Variants in EXOC6 observed in about 807,000 individuals in gnomAD.
EXOC6 encodes exocyst complex component 6, also known as SEC15-like 1.
EXOC6 carries 60 observed loss-of-function variants against 112.5 expected under a neutral mutation model. The ratio of observed to expected loss-of-function variants is 0.53; its 90% CI spans 0.43 to 0.66. The LOEUF is 0.66. Among genes scored for constraint, EXOC6 ranks in the 30% least tolerant of loss-of-function variants. The pLI is 0.00. For synonymous variants in EXOC6, 295 were observed against 308.0 expected (o/e 0.96, Z 0.44); for missense variants, 855 against 957.1 (o/e 0.89, Z 1.41).
chr10:93,014,725 G>A (rs929627513), intron 20 of EXOC6, among the ~76,000 whole-genome samples: 1 of 151,916 alleles, frequency 6.6e-6, no homozygotes, highest in South Asian at 2.1e-4. Flanking sequence ...ATTTTCTGTT[G>A]ATCCCAGAAA....
At chr10:92,950,827 G>A (rs530536165) in intron 14 of EXOC6, among the ~76,000 whole-genome samples, 7 of 152,304 alleles carry the variant, frequency 4.6e-5, no homozygotes, top group Admixed American at 4.6e-4. Context: ...TGTGGAGAAT[G>A]GATTGGAAAA....
chr10:92,848,676 C>T (rs1351249318), intron 1 of EXOC6, 42 bp downstream of exon 1: 1 of 1,294,396 alleles, frequency 7.7e-7, no homozygotes, highest in African/African-American at 1.6e-5. Context: ...CCCCGCCCCA[C>T]GCCGGCCGCT....
Position 92,907,937 on chromosome 10 carries a change from A to T in EXOC6, c.459-1490A>T, listed in dbSNP as rs1348195701. Among the ~76,000 whole-genome samples, 4 of 151,970 alleles carry T rather than the reference A, an allele frequency of 2.6e-5. No homozygotes were observed. The South Asian group carries it at 8.3e-4, about 32-fold the overall frequency. The stretch of plus-strand genomic sequence containing the variant: ...TGATGTTTACCAAGATAAAATTTAG[A>T]TGGTCTAATTTTTAAGTTAGTTGTA... On this transcript the variant is annotated intron_variant, in intron 5 of 21. Transcript: ENST00000260762.
chr10:92,909,893 A>C (rs1850645851), intron 6 of EXOC6, among the ~76,000 whole-genome samples: 1 of 152,162 alleles, frequency 6.6e-6, no homozygotes, highest in South Asian at 2.1e-4. Flanking sequence ...ATGTGGTGTT[A>C]TGTTATCCTT....
chr10:92,954,659 A>G lies in EXOC6; in HGVS notation c.1556A>G (p.Lys519Arg), dbSNP rs1853594360. 1 of 1,605,508 alleles carries G rather than the reference A, an allele frequency of 6.2e-7. No individual in the cohort carries two copies. The highest frequency in any genetic ancestry group is 1.1e-5 in the South Asian group (1 of 90,248). Residue 519 changes from lysine (K) to arginine (R), a missense_variant, in exon 16 of 22, where the codon AAA becomes AGA. Lys to Arg is a conservative substitution (Grantham distance 26). Transcript: ENST00000260762. The part of the protein sequence containing the change: ...SSTEIDDMLR[K>R]STNLLLTRTL... ...ACAGAAATAGACGATATGCTTAGAA[A>G]ATCAACAAATCTGCTGCTGACCAGA...
At chr10:93,001,753 G>A (rs1312159954) in intron 19 of EXOC6, among the ~76,000 whole-genome samples, 1 of 152,164 alleles carries the variant, frequency 6.6e-6, no homozygotes, top group African/African-American at 2.4e-5. Context: ...TCTGAAGTTT[G>A]GCTTAGGGTC....
chr10:92,889,147 GC>G (rs2133798711), intron 1 of EXOC6, among the ~76,000 whole-genome samples: 1 of 152,226 alleles, frequency 6.6e-6, no homozygotes, highest in African/African-American at 2.4e-5. Context: ...CAGTTGTTCA[GC>G]CACTGGTTCA....
intron 18 of EXOC6, among the ~76,000 whole-genome samples, chr10:92,975,384 G>A (rs1467248513): frequency 1.3e-5 from 2 of 150,900 alleles, no homozygotes; most frequent in Non-Finnish European, 3.0e-5. Context: ...CGCCCCGTCT[G>A]AGAAGTGAGG....
intron 1 of EXOC6, among the ~76,000 whole-genome samples, chr10:92,885,382 C>CTTT (rs869229626): frequency 1.4e-5 from 2 of 142,300 alleles, no homozygotes; most frequent in Non-Finnish European, 1.5e-5. Flanking sequence ...AAAGTCAGCT[C>CTTT]TTTTTTTTTT....
chr10:92,968,287 C>A (rs540955389), intron 17 of EXOC6, among the ~76,000 whole-genome samples: 1 of 151,368 alleles, frequency 6.6e-6, no homozygotes, highest in African/African-American at 2.4e-5. Context: ...TGAGCTCAAG[C>A]GATCCTCCCA....
At chr10:92,993,447 A>G (rs561999569) in intron 18 of EXOC6, among the ~76,000 whole-genome samples, 2 of 152,292 alleles carry the variant, frequency 1.3e-5, no homozygotes, top group East Asian at 3.9e-4. Context: ...CTTTCAAATA[A>G]TTACTGTTGA....
At chr10:92,905,519 A>T (rs1017978938) in intron 5 of EXOC6, among the ~76,000 whole-genome samples, 1 of 152,018 alleles carries the variant, frequency 6.6e-6, no homozygotes, top group African/African-American at 2.4e-5. Flanking sequence ...GATACATTTC[A>T]TGTTACCTGC....
At chr10:92,936,227 G>A (rs1852328871) in intron 12 of EXOC6, among the ~76,000 whole-genome samples, 1 of 152,338 alleles carries the variant, frequency 6.6e-6, no homozygotes, top group Non-Finnish European at 1.5e-5. Flanking sequence ...GCAGTGAGAA[G>A]TGGGTTCTAG....
chr10:92,991,650 G>A (rs996774698), intron 18 of EXOC6, among the ~76,000 whole-genome samples: 12 of 151,888 alleles, frequency 7.9e-5, no homozygotes, highest in African/African-American at 1.7e-4. Flanking sequence ...GTAAAAATAC[G>A]CCATGTATTA....
intron 20 of EXOC6, among the ~76,000 whole-genome samples, chr10:93,024,002 T>C (rs1022793159): frequency 1.3e-5 from 2 of 152,190 alleles, no homozygotes; most frequent in Non-Finnish European, 2.9e-5. Flanking sequence ...TGGAAAACTT[T>C]AAAGAAGGTG....
chr10:92,924,329 C>T (rs1851593797), intron 8 of EXOC6, among the ~76,000 whole-genome samples: 1 of 152,122 alleles, frequency 6.6e-6, no homozygotes, highest in Non-Finnish European at 1.5e-5. Context: ...CTTTAAACAG[C>T]CAAATGATAT....
At chr10:92,834,782 C>T in exon 1 of EXOC6, 2 of 1,610,256 alleles carry the variant, frequency 1.2e-6, no homozygotes, top group Non-Finnish European at 1.7e-6. Flanking sequence ...AATGTCCTGG[C>T]TGAGATTCAG....
At position 93,058,205 on chromosome 10, in the gene EXOC6, A is replaced by G. The variant is rs771270921; in HGVS notation, c.2283-18A>G. 6.3e-7 allele frequency: 1 copy of G among 1,592,002 alleles called. No individual in the cohort carries two copies. Among genetic ancestry groups the G allele is most frequent in the Non-Finnish European group, 8.5e-7 (1 of 1,174,596 alleles). On this transcript the variant is annotated intron_variant, in intron 21 of 21. Coordinates refer to ENST00000260762, the MANE Select transcript of EXOC6 (RefSeq NM_019053.6). Reference sequence around the variant, plus strand: ...TAATTTTCTTTTACCAAGCTTCTTCATTCACATATGTTTCTAGGATGAAGG... The same window carrying G: ...TAATTTTCTTTTACCAAGCTTCTTCGTTCACATATGTTTCTAGGATGAAGG...
chr10:92,973,899 A>G (rs912883101), intron 17 of EXOC6, among the ~76,000 whole-genome samples, 154 bp from the exon 18 acceptor site: 3 of 152,144 alleles, frequency 2.0e-5, no homozygotes, highest in African/African-American at 7.2e-5. Flanking sequence ...TAAATAGAGT[A>G]CTGCCAGAAA....
Sources: gnomAD v4.1 joint callset for allele counts (sites outside exome capture counted in the v4.1 genomes callset) on GRCh38, gnomAD v4.1.1 for gene constraint, MANE v1.5 for transcripts, NCBI Gene and HGNC (gene_info 2026-07-23, HGNC 2026-07-21) for gene names.